The following GALNT13 variants were observed in gnomAD, a reference collection of about 807,000 sequenced individuals.
GALNT13 encodes polypeptide N-acetylgalactosaminyltransferase 13.
A neutral mutation model predicts 64.2 loss-of-function variants in GALNT13; 28 were observed. That is an observed-to-expected ratio of 0.44 (90% CI 0.32 to 0.60). The LOEUF (loss-of-function observed/expected upper bound fraction) is 0.60, where lower values mean the gene tolerates loss of function less well. GALNT13 is among the 20% of genes least tolerant of loss of function. The pLI, the probability that GALNT13 is intolerant of heterozygous loss-of-function variation, is 0.05. For synonymous variants in GALNT13, 214 were observed against 224.6 expected (o/e 0.95, Z 0.42); for missense variants, 577 against 669.8 (o/e 0.86, Z 1.53).
At chr2:153,890,179 A>G (rs1271394193) in intron 1 of GALNT13, among the ~76,000 whole-genome samples, 1 of 151,994 alleles carries the variant, frequency 6.6e-6, no homozygotes, top group African/African-American at 2.4e-5. Context: ...GTCTATATGA[A>G]CAGTGTTCCA....
At chr2:153,473,078 A>T in the GALNT13 span, among the ~76,000 whole-genome samples, 3 of 152,108 alleles carry the variant, frequency 2.0e-5, no homozygotes, top group Non-Finnish European at 4.4e-5. Flanking sequence ...AGAAATACCT[A>T]ATGTAGATGA....
chr2:153,265,351 G>A, the GALNT13 span, among the ~76,000 whole-genome samples: 5 of 152,112 alleles, frequency 3.3e-5, no homozygotes, highest in African/African-American at 1.2e-4. Context: ...CAGGTCTGAT[G>A]GCTGGAATGG....
intron 3 of GALNT13, among the ~76,000 whole-genome samples, chr2:153,997,551 T>A (rs1192792784): frequency 6.6e-6 from 1 of 152,186 alleles, no homozygotes; most frequent in East Asian, 1.9e-4. Flanking sequence ...TGATTTCACT[T>A]ACTAGTTCTA....
At chr2:153,478,969 A>C in the GALNT13 span, among the ~76,000 whole-genome samples, 1 of 152,192 alleles carries the variant, frequency 6.6e-6, no homozygotes, top group African/African-American at 2.4e-5. Flanking sequence ...TGGAGGAAGC[A>C]AAGGGGCGAA....
chr2:154,273,641 A>G (rs1415521497), intron 8 of GALNT13, among the ~76,000 whole-genome samples: 2 of 152,170 alleles, frequency 1.3e-5, no homozygotes, highest in African/African-American at 2.4e-5. Flanking sequence ...TAGATACACA[A>G]ATACTTACCA....
chr2:153,407,205 C>T, the GALNT13 span, among the ~76,000 whole-genome samples: 3 of 152,128 alleles, frequency 2.0e-5, no homozygotes, highest in African/African-American at 7.2e-5. Context: ...TACCCCAGCC[C>T]TCCAGAAACA....
At position 153,954,271 on chromosome 2, in the gene GALNT13, G is replaced by A. The variant is rs559815300; in HGVS notation, c.142+9632G>A. 2.6e-5 allele frequency among the ~76,000 whole-genome samples: 4 copies of A among 152,248 alleles called. No homozygotes were observed. The South Asian group carries it at 6.2e-4, about 24-fold the overall frequency. ...TATGATTGATTAAAATGCATTGTCA[G>A]TATTGGAATTGCCCTTAATAAGTTA... On this transcript the variant is annotated intron_variant, in intron 3 of 12. Transcript: ENST00000392825.
intron 2 of GALNT13, among the ~76,000 whole-genome samples, chr2:153,933,227 TC>T (rs1178616029): frequency 6.6e-6 from 1 of 152,146 alleles, no homozygotes; most frequent in Non-Finnish European, 1.5e-5. Context: ...GGTGTTGAAG[TC>T]CCCCATTACT....
At chr2:154,051,991 ATT>A (rs970770291) in intron 3 of GALNT13, among the ~76,000 whole-genome samples, 2 of 148,906 alleles carry the variant, frequency 1.3e-5, no homozygotes, top group South Asian at 2.1e-4. Flanking sequence ...AAAGTGGTGA[ATT>A]TTTTTTTTTA....
the GALNT13 span, among the ~76,000 whole-genome samples, chr2:153,727,305 A>G: frequency 1.3e-5 from 2 of 152,116 alleles, no homozygotes; most frequent in African/African-American, 4.8e-5. Flanking sequence ...ATTTGTCCAC[A>G]TTTTTGTTTG....
chr2:153,595,244 A>G, the GALNT13 span, among the ~76,000 whole-genome samples: 27 of 151,948 alleles, frequency 1.8e-4, no homozygotes, highest in African/African-American at 4.6e-4. Flanking sequence ...TAAAACTTCA[A>G]TGTAATTTGA....
chr2:154,380,387 T>G lies in GALNT13; in HGVS notation c.1157-15604T>G, dbSNP rs568435424. Among the ~76,000 whole-genome samples the G allele has an allele frequency of 9.9e-5, 15 of 152,162 alleles. No homozygotes were observed. The South Asian group carries it at 2.7e-3, about 27-fold the overall frequency. On this transcript the variant is annotated intron_variant, in intron 9 of 12. Coordinates refer to ENST00000392825, the MANE Select transcript of GALNT13 (RefSeq NM_052917.4). ...ATGCTTTTTAGATTCTAGGATGACATTTTGGTAAAAGGTGATAGCATATCT... is the reference window on the plus strand; with the variant it reads ...ATGCTTTTTAGATTCTAGGATGACAGTTTGGTAAAAGGTGATAGCATATCT...
chr2:153,458,869 C>T, the GALNT13 span, among the ~76,000 whole-genome samples: 4 of 152,188 alleles, frequency 2.6e-5, no homozygotes, highest in Middle Eastern at 3.4e-3. Context: ...CAATATCTTC[C>T]TTCTTTGAAT....
chr2:153,463,117 A>G, the GALNT13 span, among the ~76,000 whole-genome samples: 1 of 152,134 alleles, frequency 6.6e-6, no homozygotes, highest in Non-Finnish European at 1.5e-5. Context: ...CAATCCAGGT[A>G]AAGGGAAAGA....
intron 9 of GALNT13, among the ~76,000 whole-genome samples, chr2:154,360,862 A>G (rs1210117129): frequency 6.6e-6 from 1 of 152,122 alleles, no homozygotes. Flanking sequence ...GATGAGATTA[A>G]TCCAGCCAAA....
At chr2:154,406,870 C>A (rs1459241741) in intron 10 of GALNT13, among the ~76,000 whole-genome samples, 1 of 152,126 alleles carries the variant, frequency 6.6e-6, no homozygotes, top group Non-Finnish European at 1.5e-5. Context: ...TACTACTACT[C>A]AATTGAATAA....
intron 9 of GALNT13, among the ~76,000 whole-genome samples, chr2:154,377,509 T>C (rs1250676309): frequency 6.6e-6 from 1 of 152,116 alleles, no homozygotes; most frequent in Non-Finnish European, 1.5e-5. Flanking sequence ...CTTCTAAATA[T>C]AACAATAAAG....
intron 3 of GALNT13, among the ~76,000 whole-genome samples, chr2:154,099,981 G>A (rs141426688): frequency 6.6e-6 from 1 of 152,012 alleles, no homozygotes; most frequent in Non-Finnish European, 1.5e-5. Context: ...TTGCCCCATT[G>A]TTTATTTTTG....
At chr2:153,159,023 G>T in the GALNT13 span, 1 of 174,646 alleles carries the variant, frequency 5.7e-6, no homozygotes, top group South Asian at 1.4e-4. Flanking sequence ...GGGTATTGCA[G>T]GCAACAAGGA....
Sources: allele counts gnomAD v4.1 joint callset (sites outside exome capture counted in the v4.1 genomes callset), GRCh38; gene constraint gnomAD v4.1.1; transcripts MANE v1.5; gene names NCBI Gene and HGNC (gene_info 2026-07-23, HGNC 2026-07-21).